Variants in DENND5A observed in about 807,000 individuals in gnomAD.
DENND5A encodes DENN domain containing 5A.
Under a neutral mutation model 140.3 loss-of-function variants are expected in DENND5A, and 64 were observed. The observed-to-expected ratio is 0.46, with a 90% CI of 0.37 to 0.56. The LOEUF is 0.56. DENND5A is among the 20% of genes least tolerant of loss of function. DENND5A has a pLI of 0.00. For missense variants in DENND5A, 1,292 were observed against 1,593.8 expected, an observed-to-expected ratio of 0.81 and a Z score of 3.22; for synonymous variants, 605 against 607.7, an observed-to-expected ratio of 1.00 and a Z score of 0.07.
intron 1 of DENND5A, among the ~76,000 whole-genome samples, chr11:9,240,074 C>A (rs1323335222): frequency 1.3e-5 from 2 of 152,188 alleles, no homozygotes; most frequent in African/African-American, 4.8e-5. Context: ...CTTTCCCTCT[C>A]TTGAACCCCA....
chr11:9,156,808 G>T (rs1847818163), intron 12 of DENND5A, among the ~76,000 whole-genome samples: 1 of 150,554 alleles, frequency 6.6e-6, no homozygotes, highest in Non-Finnish European at 1.5e-5. Context: ...GAAGGAAAGA[G>T]AGAAGGGGAG....
intron 9 of DENND5A, 151 bp downstream of exon 9, chr11:9,170,476 A>C (rs1290430187): frequency 9.1e-7 from 1 of 1,103,770 alleles, no homozygotes; most frequent in East Asian, 2.4e-5. Flanking sequence ...TTTCTTGTTC[A>C]AATAAGCAAA....
intron 1 of DENND5A, among the ~76,000 whole-genome samples, chr11:9,262,724 G>A (rs1422357085): frequency 7.1e-6 from 1 of 140,302 alleles, no homozygotes; most frequent in African/African-American, 2.6e-5. Context: ...ACAATTATTA[G>A]GTACTCATCA....
Position 9,258,521 on chromosome 11 carries a change from T to A in DENND5A, c.109+6440A>T, listed in dbSNP as rs569644355. ...TGTGCCATCTTCTTTATCCAGTCTC[T>A]TACTGATGGACATTTGAGTTGGTTC... On this transcript the variant is annotated intron_variant, in intron 1 of 22. Transcript: ENST00000328194. Among the ~76,000 whole-genome samples the A allele has an allele frequency of 3.3e-5, 5 of 152,276 alleles. No individual in the cohort carries two copies. The South Asian group carries it at 1.0e-3, about 32-fold the overall frequency.
intron 4 of DENND5A, among the ~76,000 whole-genome samples, chr11:9,200,124 G>A (rs533569000): frequency 8.3e-4 from 126 of 152,186 alleles, no homozygotes; most frequent in Non-Finnish European, 1.3e-3. Flanking sequence ...AAACTCAGAT[G>A]GAAGAATGTT....
rs1209726992 is a variant in DENND5A at position 9,152,359 on chromosome 11, T to C, written c.2520A>G (p.Ser840=). The C allele has an allele frequency of 6.2e-7, 1 of 1,602,322 alleles. No individual in the cohort carries two copies. Among genetic ancestry groups the C allele is most frequent in the African/African-American group, 1.3e-5 (1 of 74,754 alleles). The change falls in exon 13 of 23, where the codon TCA becomes TCG. Residue 840 remains serine (S), a splice_region_variant and synonymous_variant. Transcript: ENST00000328194. ...TCTCCATTGCAGAGACTATCTTACC[T>C]GAGGTACTGAGGCTTCCTGATGTGA... ...RKLTSGSLST[S]GILLDSERRK...
chr11:9,210,467 G>C (rs1164688535), intron 1 of DENND5A, among the ~76,000 whole-genome samples: 1 of 152,116 alleles, frequency 6.6e-6, no homozygotes, highest in Non-Finnish European at 1.5e-5. Flanking sequence ...TTTTTTTAAA[G>C]CATACATGCC....
At chr11:9,196,056 G>A (rs575986484) in intron 4 of DENND5A, among the ~76,000 whole-genome samples, 32 of 152,264 alleles carry the variant, frequency 2.1e-4, no homozygotes, top group African/African-American at 6.5e-4. Flanking sequence ...AGGTTCAAGC[G>A]ATTCTCTTGC....
chr11:9,203,981 T>C lies in DENND5A; in HGVS notation c.628A>G (p.Ile210Val), dbSNP rs1849607994. 6.2e-7 allele frequency: 1 copy of C among 1,614,140 alleles called. No individual in the cohort carries two copies. Among genetic ancestry groups the C allele is most frequent in the Non-Finnish European group, 8.5e-7 (1 of 1,180,030 alleles). The change falls in exon 4 of 23, where the codon ATC becomes GTC. Residue 210 changes from isoleucine to valine, a missense_variant. Around this residue, in one of 4 missense-constraint regions of DENND5A, gnomAD observed 566 missense variants for 650.4 expected, o/e 0.87. Coordinates refer to ENST00000328194, the MANE Select transcript of DENND5A (RefSeq NM_015213.4). ...TLYVSKCICL[I>V]TPMSFMKACR... ...GCCTTCATGAAAGACATGGGTGTGA[T>C]GAGGCAGATGCACTTAGAGACGTAG... is the stretch of plus-strand genomic sequence containing the variant.
intron 1 of DENND5A, among the ~76,000 whole-genome samples, chr11:9,221,904 C>T (rs920232158): frequency 6.6e-6 from 1 of 152,042 alleles, no homozygotes; most frequent in Non-Finnish European, 1.5e-5. Context: ...ACTACAGGTG[C>T]ATGCCACCAC....
Position 9,180,906 on chromosome 11 carries a change from C to T in DENND5A, c.1316G>A (p.Arg439Gln), listed in dbSNP as rs773484374. The change falls in exon 6 of 23, where the codon CGG becomes CAG. Residue 439 changes from arginine to glutamine, a missense_variant. Coordinates refer to ENST00000328194, the MANE Select transcript of DENND5A (RefSeq NM_015213.4). The part of the protein sequence containing the change: ...SESASKLKRL[R>Q]ASELVSDKRN... ...CTTGTCCGAGACAAGCTCAGAGGCC[C>T]GCAGCCTCTTCAGCTTGGAGGCACT... 4.8e-5 allele frequency: 77 copies of T among 1,614,062 alleles called. No homozygotes were observed. Among genetic ancestry groups the T allele is most frequent in the South Asian group, 4.3e-4 (39 of 91,088 alleles).
At chr11:9,154,036 A>G (rs1847721721) in intron 12 of DENND5A, among the ~76,000 whole-genome samples, 1 of 152,244 alleles carries the variant, frequency 6.6e-6, no homozygotes, top group African/African-American at 2.4e-5. Flanking sequence ...CAGATAATAA[A>G]ATAATATAAA....
At chr11:9,162,233 C>CTTTTTTTTT (rs1221675349) in intron 11 of DENND5A, among the ~76,000 whole-genome samples, 1 of 97,332 alleles carries the variant, frequency 1.0e-5, no homozygotes, top group Admixed American at 1.2e-4. Flanking sequence ...CCAGTTCCTT[C>CTTTTTTTTT]TTTTTTTTTT....
At chr11:9,252,785 G>C (rs541745972) in intron 1 of DENND5A, among the ~76,000 whole-genome samples, 5 of 151,956 alleles carry the variant, frequency 3.3e-5, no homozygotes, top group Admixed American at 2.6e-4. Flanking sequence ...TCCTTCATGT[G>C]TACCCAGGTT....
intron 8 of DENND5A, chr11:9,175,806 C>G (rs547881917): frequency 6.6e-6 from 1 of 152,078 alleles, no homozygotes. Flanking sequence ...ATACTACTTA[C>G]AAAATTAACT....
At chr11:9,222,089 A>ATTATAATT in intron 1 of DENND5A, among the ~76,000 whole-genome samples, 1 of 152,300 alleles carries the variant, frequency 6.6e-6, no homozygotes, top group Middle Eastern at 3.4e-3. Flanking sequence ...AATTTTACAA[A>ATTATAATT]TGCAGGGGTC....
chr11:9,253,484 C>G (rs1851814067), intron 1 of DENND5A, among the ~76,000 whole-genome samples: 1 of 152,146 alleles, frequency 6.6e-6, no homozygotes, highest in African/African-American at 2.4e-5. Flanking sequence ...CAGTCTCAGC[C>G]AGGCATGGTG....
chr11:9,221,429 TCAAA>T (rs113255296), intron 1 of DENND5A, among the ~76,000 whole-genome samples: 7 of 151,826 alleles, frequency 4.6e-5, no homozygotes, highest in South Asian at 2.1e-4. Flanking sequence ...AGACTCCATC[TCAAA>T]CAAACAAACA....
At position 9,206,796 on chromosome 11, in the gene DENND5A, A is replaced by G. The variant is rs376147552; in HGVS notation, c.182-14T>C. 1.5e-4 allele frequency: 229 copies of G among 1,547,444 alleles called. No individual in the cohort carries two copies. Among genetic ancestry groups the G allele is most frequent in the Non-Finnish European group, 2.0e-4 (222 of 1,119,674 alleles). Reference sequence around the variant, plus strand: ...CAAAATTTTCTCCTGTAAGAAAAAGAATGAAGTAAATCATTTCTACAAAAT... The same window carrying G: ...CAAAATTTTCTCCTGTAAGAAAAAGGATGAAGTAAATCATTTCTACAAAAT... On this transcript the variant is annotated splice_polypyrimidine_tract_variant and intron_variant, in intron 2 of 22. Coordinates refer to ENST00000328194, the MANE Select transcript of DENND5A (RefSeq NM_015213.4).
Sources: gnomAD v4.1 joint callset for allele counts (sites outside exome capture counted in the v4.1 genomes callset) on GRCh38, gnomAD v4.1.1 for gene constraint, gnomAD v4.1.1 regional missense constraint, MANE v1.5 for transcripts, NCBI Gene and HGNC (gene_info 2026-07-23, HGNC 2026-07-21) for gene names.